MYOM1: variants seen among roughly 807,000 people sequenced by gnomAD.
MYOM1 encodes myomesin-1.
A neutral mutation model predicts 205.3 loss-of-function variants in MYOM1; 164 were observed. The ratio of observed to expected loss-of-function variants is 0.80; its 90% CI spans 0.70 to 0.91. MYOM1 has a LOEUF of 0.91. Ranked by LOEUF, MYOM1 falls within the 40% of genes least tolerant of loss-of-function variation. The pLI is 0.00. For missense variants in MYOM1, 2,011 were observed against 2,127.3 expected (o/e 0.95, Z 1.08); for synonymous variants, 772 against 789.4 (o/e 0.98, Z 0.37).
In MYOM1 at chr18:3,188,632, AG is replaced by A. The variant is rs140742792; in HGVS notation, c.771+115del. ...GGACAGAGTGAGACTCCATCTCAAA[AG>A]GAAAAAAAAAAAGAAACAAATCAAT... On this transcript the variant is annotated intron_variant, in intron 4 of 37. Coordinates refer to ENST00000356443, the MANE Select transcript of MYOM1 (RefSeq NM_003803.4). The A allele has an allele frequency of 0.061, 72,448 of 1,183,988 alleles. 2,962 individuals are homozygous for A. The highest frequency in any genetic ancestry group is 0.19 in the African/African-American group (11,995 of 63,986). 73.3% of individuals were successfully genotyped at this position (1,183,988 alleles called of 1,614,324 possible).
At chr18:3,218,180 A>G (rs2081292587) in intron 1 of MYOM1, among the ~76,000 whole-genome samples, 1 of 152,194 alleles carries the variant, frequency 6.6e-6, no homozygotes. Flanking sequence ...AAGCAGGCCT[A>G]TCAGCCACGT....
At chr18:3,198,169 T>A (rs989215491) in intron 2 of MYOM1, among the ~76,000 whole-genome samples, 3 of 152,178 alleles carry the variant, frequency 2.0e-5, no homozygotes. Context: ...TTTTCCAGGT[T>A]CACTAGGATG....
At position 3,179,231 on chromosome 18, in the gene MYOM1, G is replaced by A. The variant is rs565476048; in HGVS notation, c.930-3097C>T. ...AATGAGTCATGGGCAAACAGCAGGCGCTCAGAATTGGTTAAATTTGGTTGA... is the reference window on the plus strand; with the variant it reads ...AATGAGTCATGGGCAAACAGCAGGCACTCAGAATTGGTTAAATTTGGTTGA... On this transcript the variant is annotated intron_variant, in intron 5 of 37. Transcript: ENST00000356443. The surrounding 1 kb of genome is among the most constrained non-coding windows in gnomAD (Gnocchi z 4.4). 3.3e-5 allele frequency among the ~76,000 whole-genome samples: 5 copies of A among 152,196 alleles called. No individual in the cohort carries two copies. The highest frequency in any genetic ancestry group is 3.9e-4 in the East Asian group (2 of 5,178).
At chr18:3,116,842 C>T (rs1479441262) in intron 20 of MYOM1, among the ~76,000 whole-genome samples, 1 of 152,058 alleles carries the variant, frequency 6.6e-6, no homozygotes, top group Non-Finnish European at 1.5e-5. Context: ...TCTGATTTAG[C>T]TGCAGATTCA....
intron 29 of MYOM1, among the ~76,000 whole-genome samples, chr18:3,087,885 T>C (rs188754080): frequency 6.6e-6 from 1 of 152,290 alleles, no homozygotes; most frequent in East Asian, 1.9e-4. Flanking sequence ...TCGCTGCGCA[T>C]ACTCCATGAA....
At position 3,129,500 on chromosome 18, in the gene MYOM1, A is replaced by G; in HGVS notation, c.2526T>C (p.Asp842=). ...GCTCATCGCTCAGTGCGGGACACACATCTGGAGACACTCCTCCCCCTACAG... is the reference window on the plus strand; with the variant it reads ...GCTCATCGCTCAGTGCGGGACACACGTCTGGAGACACTCCTCCCCCTACAG... The part of the protein sequence containing the change: ...KAAIGGGVSP[D]VCPALSDEPG... Residue 842 remains aspartate (D), a synonymous_variant, in exon 18 of 38, where the codon GAT becomes GAC. Transcript: ENST00000356443. 6.2e-7 allele frequency: 1 copy of G among 1,611,834 alleles called. No homozygotes were observed. The highest frequency in any genetic ancestry group is 8.5e-7 in the Non-Finnish European group (1 of 1,178,400).
At chr18:3,067,580 G>T in intron 37 of MYOM1, 25 bp from the exon 38 acceptor site, 1 of 1,599,604 alleles carries the variant, frequency 6.3e-7, no homozygotes. Context: ...TTATGGGAGA[G>T]AAGAAGATAA....
At chr18:3,229,976 CAAA>C in the MYOM1 span, among the ~76,000 whole-genome samples, 1,299 of 79,100 alleles carry the variant, frequency 0.016, 12 homozygotes, top group African/African-American at 0.062. Context: ...AACTCCATCT[CAAA>C]AAAAAAAAAA....
At chr18:3,225,240 G>T in the MYOM1 span, among the ~76,000 whole-genome samples, 1 of 151,938 alleles carries the variant, frequency 6.6e-6, no homozygotes, top group African/African-American at 2.4e-5. Context: ...GCCCGCCTTG[G>T]CCTCCCAAAG....
chr18:3,155,497 T>G (rs955291495), intron 10 of MYOM1, among the ~76,000 whole-genome samples: 5 of 152,218 alleles, frequency 3.3e-5, no homozygotes, highest in Admixed American at 1.3e-4. Flanking sequence ...GTGCTGGGAT[T>G]ACAGGCGTGA....
At position 3,151,680 on chromosome 18, in the gene MYOM1, T is replaced by C. The variant is rs2143990952; in HGVS notation, c.1843+14A>G. 6.2e-7 allele frequency: 1 copy of C among 1,604,014 alleles called. No individual in the cohort carries two copies. The highest frequency in any genetic ancestry group is 8.5e-7 in the Non-Finnish European group (1 of 1,174,364). ...AAGGTTTAGGGAAGGTCCTGAAAAA[T>C]GAAAAGTGCTTACTTTTAAGTCTAG... On this transcript the variant is annotated intron_variant, in intron 12 of 37. Transcript: ENST00000356443.
At chr18:3,109,309 A>T (rs1388307355) in intron 22 of MYOM1, among the ~76,000 whole-genome samples, 1 of 152,088 alleles carries the variant, frequency 6.6e-6, no homozygotes, top group Non-Finnish European at 1.5e-5. Flanking sequence ...ATATCCCACA[A>T]CTTAGCTGAG....
intron 5 of MYOM1, among the ~76,000 whole-genome samples, chr18:3,186,200 A>G (rs2080806718): frequency 6.6e-6 from 1 of 152,082 alleles, no homozygotes; most frequent in Non-Finnish European, 1.5e-5. Context: ...TGTCTCAAAA[A>G]AGGAAAAAAA....
rs949911232 is a variant in MYOM1, at chr18:3,188,823, C to T, written c.696G>A (p.Gln232=). Residue 232 remains glutamine, a synonymous_variant, in exon 4 of 38, where the codon CAG becomes CAA. Coordinates refer to ENST00000356443, the MANE Select transcript of MYOM1 (RefSeq NM_003803.4). ...VSKQATSALQ[Q]EETSEKKSRK... ...TTGACTTCTTTTCAGAAGTTTCTTC[C>T]TGTTGAAGAGCGGATGTGGCCTGTT... 3 of 1,611,344 alleles carry T rather than the reference C, an allele frequency of 1.9e-6. No homozygotes were observed. Among genetic ancestry groups the T allele is most frequent in the Non-Finnish European group, 2.5e-6 (3 of 1,178,002 alleles).
In MYOM1 at chr18:3,119,869, C is replaced by T. The variant is rs777001320; in HGVS notation, c.3118G>A (p.Gly1040Arg). The T allele has an allele frequency of 6.2e-7, 1 of 1,602,560 alleles. No homozygotes were observed. The change falls in exon 20 of 38, where the codon GGA becomes AGA. Residue 1040 changes from glycine to arginine, a missense_variant and splice_region_variant. Physicochemically the swap from Gly to Arg is moderately radical, Grantham distance 125. Coordinates refer to ENST00000356443, the MANE Select transcript of MYOM1 (RefSeq NM_003803.4). Reference protein sequence around the residue: ...KCEEWTIAVPGPPHSLKCSEV... With the variant: ...KCEEWTIAVPRPPHSLKCSEV... ...GTGGAGGCAGGTGTCTGTGGTTTAC[C>T]TGGGACGGCGATGGTCCACTCTTCA...
At chr18:3,148,735 G>A (rs113696813) in intron 13 of MYOM1, among the ~76,000 whole-genome samples, 4,857 of 150,202 alleles carry the variant, frequency 0.032, 179 homozygotes, top group African/African-American at 0.09. Flanking sequence ...AGTCCCAGCT[G>A]CTCGGGAGGC....
intron 37 of MYOM1, among the ~76,000 whole-genome samples, chr18:3,071,104 A>G (rs1260454546): frequency 6.6e-6 from 1 of 152,092 alleles, no homozygotes; most frequent in African/African-American, 2.4e-5. Flanking sequence ...GTCACAGGGG[A>G]AAAAAATTAT....
At chr18:3,153,486 C>T (rs897301777) in intron 11 of MYOM1, among the ~76,000 whole-genome samples, 6 of 152,148 alleles carry the variant, frequency 3.9e-5, no homozygotes, top group African/African-American at 1.4e-4. Context: ...TTCACTATGA[C>T]TAAGGCCAGA....
At chr18:3,169,808 A>C (rs953018506) in intron 8 of MYOM1, among the ~76,000 whole-genome samples, 13 of 152,232 alleles carry the variant, frequency 8.5e-5, no homozygotes, top group African/African-American at 2.7e-4. Context: ...TATCTTAAAG[A>C]AAGGAAAACA....
Sources: gnomAD v4.1 joint callset for allele counts (sites outside exome capture counted in the v4.1 genomes callset) on GRCh38, gnomAD v4.1.1 for gene constraint, Gnocchi (gnomAD v3.1) non-coding constraint, MANE v1.5 for transcripts, NCBI Gene and HGNC (gene_info 2026-07-23, HGNC 2026-07-21) for gene names.